The following SLC10A7 variants were observed in gnomAD, a reference collection of about 807,000 sequenced individuals.
SLC10A7 encodes the protein sodium/bile acid cotransporter 7.
A neutral mutation model predicts 43.2 loss-of-function variants in SLC10A7; 29 were observed. The ratio of observed to expected loss-of-function variants is 0.67; its 90% CI spans 0.50 to 0.92. The LOEUF is 0.92. Ranked by LOEUF, SLC10A7 falls within the 40% of genes least tolerant of loss-of-function variation. The probability of loss-of-function intolerance (pLI) is 0.00; values close to 1 mark genes in which losing one functional copy is unlikely to be tolerated. For synonymous variants in SLC10A7, 152 were observed against 144.8 expected (o/e 1.05, Z -0.35); for missense variants, 295 against 403.2 (o/e 0.73, Z 2.30).
intron 9 of SLC10A7, among the ~76,000 whole-genome samples, chr4:146,285,420 G>A (rs1171225158): frequency 2.6e-5 from 4 of 152,174 alleles, no homozygotes; most frequent in Non-Finnish European, 5.9e-5. Flanking sequence ...CAGCTCAAGA[G>A]TGCAGGCTTT....
At chr4:146,307,235 T>C (rs1731644314) in intron 6 of SLC10A7, among the ~76,000 whole-genome samples, 1 of 152,194 alleles carries the variant, frequency 6.6e-6, no homozygotes, top group Non-Finnish European at 1.5e-5. Flanking sequence ...GGCCCATCAT[T>C]GGCCCTGTGT....
At chr4:146,462,364 T>C (rs1005286481) in intron 4 of SLC10A7, among the ~76,000 whole-genome samples, 3 of 152,092 alleles carry the variant, frequency 2.0e-5, no homozygotes, top group Admixed American at 6.6e-5. Context: ...AAATAAATAT[T>C]AGAAAATCTC....
chr4:146,519,099 AT>A (rs1560991623), intron 1 of SLC10A7, among the ~76,000 whole-genome samples: 3,770 of 68,452 alleles, frequency 0.055, 381 homozygotes, highest in East Asian at 0.078. Context: ...ATATATATAT[AT>A]ATATATATAT....
chr4:146,323,373 G>A (rs947191211), intron 6 of SLC10A7, among the ~76,000 whole-genome samples: 3 of 152,210 alleles, frequency 2.0e-5, no homozygotes, highest in African/African-American at 7.2e-5. Flanking sequence ...TAACATGTAA[G>A]TCTTTAATCC....
At chr4:146,419,231 T>A (rs890214235) in intron 5 of SLC10A7, among the ~76,000 whole-genome samples, 1 of 152,084 alleles carries the variant, frequency 6.6e-6, no homozygotes, top group Non-Finnish European at 1.5e-5. Flanking sequence ...GAAATGGGAT[T>A]GAAAGTCCCT....
At chr4:146,343,258 A>C (rs1734392211) in intron 5 of SLC10A7, among the ~76,000 whole-genome samples, 1 of 152,030 alleles carries the variant, frequency 6.6e-6, no homozygotes, top group Non-Finnish European at 1.5e-5. Context: ...TAGAGCTACT[A>C]ATTCAAATAC....
At chr4:146,457,240 TATTTTA>T (rs1732142430) in intron 4 of SLC10A7, among the ~76,000 whole-genome samples, 1 of 151,918 alleles carries the variant, frequency 6.6e-6, no homozygotes, top group African/African-American at 2.4e-5. Flanking sequence ...TCTTTCCTTT[TATTTTA>T]ATTTTTGTGG....
intron 4 of SLC10A7, among the ~76,000 whole-genome samples, chr4:146,449,276 A>T (rs1477743686): frequency 6.6e-6 from 1 of 152,162 alleles, no homozygotes; most frequent in Non-Finnish European, 1.5e-5. Flanking sequence ...ACAGACCACA[A>T]TGGTAGGGCA....
At position 146,343,280 on chromosome 4, in the gene SLC10A7, A is replaced by G. The variant is rs185292273; in HGVS notation, c.436-17284T>C. Among the ~76,000 whole-genome samples the G allele has an allele frequency of 5.9e-5, 9 of 152,180 alleles. No homozygotes were observed. The South Asian group carries it at 6.2e-4, about 11-fold the overall frequency. On this transcript the variant is annotated intron_variant, in intron 5 of 11. Coordinates refer to ENST00000335472, the MANE Select transcript of SLC10A7 (RefSeq NM_001029998.6). ...ACTAATTCAAATACTGACAGCCACC[A>G]GACTGGCAAGGTGAATGTGCAGATT...
chr4:146,261,072 C>T lies in SLC10A7; in HGVS notation c.848-2235G>A, dbSNP rs537194670. Among the ~76,000 whole-genome samples, 14 of 152,292 alleles carry T rather than the reference C, an allele frequency of 9.2e-5. 1 individual carries two copies. In the South Asian group the frequency reaches 1.2e-3, roughly 14 times the overall value. On this transcript the variant is annotated intron_variant, in intron 10 of 11. Transcript: ENST00000335472. The stretch of plus-strand genomic sequence containing the variant: ...TGTCAAGTTTTAGGAAGTTCTCTTC[C>T]GGCCATTGCTGGTTCTTCAGCTCTT...
chr4:146,285,782 T>C (rs1298051269), intron 9 of SLC10A7, among the ~76,000 whole-genome samples: 5 of 152,092 alleles, frequency 3.3e-5, no homozygotes, highest in Non-Finnish European at 7.4e-5. Flanking sequence ...GAGTTTGTAG[T>C]GGTAAAAAGG....
chr4:146,427,791 C>G (rs917193783), intron 5 of SLC10A7, among the ~76,000 whole-genome samples: 1 of 152,150 alleles, frequency 6.6e-6, no homozygotes, highest in South Asian at 2.1e-4. Context: ...CATTTGCATA[C>G]CTCGGTAGCT....
Position 146,335,250 on chromosome 4 carries a change from G to GAAAAAAAAAAAA in SLC10A7, c.436-9255_436-9254insTTTTTTTTTTTT, listed in dbSNP as rs772547279. ...TCATTAAAGTGTTGCCACAGATGTT[G>GAAAAAAAAAAAA]TAAAAAAAAAAAAAAAAAAAAAAAA... On this transcript the variant is annotated intron_variant, in intron 5 of 11. Coordinates refer to ENST00000335472, the MANE Select transcript of SLC10A7 (RefSeq NM_001029998.6). Among the ~76,000 whole-genome samples, 37 of 70,610 alleles carry GAAAAAAAAAAAA rather than the reference G, an allele frequency of 5.2e-4. 1 individual carries two copies. The highest frequency in any genetic ancestry group is 1.8e-3 in the Admixed American group (8 of 4,436). The allele number at this position is 70,610 out of a possible 152,430, so 46.3% of individuals were successfully genotyped here.
At chr4:146,481,269 G>A (rs1734450826) in intron 4 of SLC10A7, among the ~76,000 whole-genome samples, 1 of 152,206 alleles carries the variant, frequency 6.6e-6, no homozygotes, top group African/African-American at 2.4e-5. Flanking sequence ...ACAGTGTCAT[G>A]CCTACCTGGC....
At chr4:146,357,172 T>C (rs1048950044) in intron 5 of SLC10A7, among the ~76,000 whole-genome samples, 3 of 152,244 alleles carry the variant, frequency 2.0e-5, no homozygotes, top group African/African-American at 7.2e-5. Flanking sequence ...CATGTGTACA[T>C]TTGCACATGT....
chr4:146,402,565 C>A (rs1415141968), intron 5 of SLC10A7, among the ~76,000 whole-genome samples: 1 of 152,024 alleles, frequency 6.6e-6, no homozygotes, highest in African/African-American at 2.4e-5. Context: ...ACCCTGGCTG[C>A]CTCAAGGGGA....
chr4:146,405,186 GT>G (rs1338641019), intron 5 of SLC10A7, among the ~76,000 whole-genome samples: 1 of 152,120 alleles, frequency 6.6e-6, no homozygotes, highest in Non-Finnish European at 1.5e-5. Context: ...TTTTAAGAAA[GT>G]TTCCAGAATG....
intron 4 of SLC10A7, among the ~76,000 whole-genome samples, chr4:146,497,397 T>C (rs746850986): frequency 9.2e-5 from 14 of 152,214 alleles, no homozygotes; most frequent in Non-Finnish European, 1.9e-4. Flanking sequence ...CTGACTTTTA[T>C]CTATTACAAC....
intron 5 of SLC10A7, among the ~76,000 whole-genome samples, chr4:146,358,986 C>A (rs1285482273): frequency 6.6e-6 from 1 of 152,156 alleles, no homozygotes; most frequent in African/African-American, 2.4e-5. Flanking sequence ...TTACCATTCA[C>A]TCCTACCAGC....
Sources: allele counts gnomAD v4.1 joint callset (sites outside exome capture counted in the v4.1 genomes callset), GRCh38; gene constraint gnomAD v4.1.1; transcripts MANE v1.5; gene names NCBI Gene and HGNC (gene_info 2026-07-23, HGNC 2026-07-21).